Variants in XXYLT1 observed in about 807,000 individuals in gnomAD.
XXYLT1 encodes UDP-xylose:alpha-xyloside alpha-1,3-xylosyltransferase.
In XXYLT1, 20 loss-of-function variants were observed where a neutral mutation model predicts 28.9. The ratio of observed to expected loss-of-function variants is 0.69; its 90% CI spans 0.49 to 1.00. XXYLT1 has a LOEUF of 1.00. Among genes scored for constraint, XXYLT1 ranks in the 50% least tolerant of loss-of-function variants. XXYLT1 has a pLI of 0.00. For synonymous variants in XXYLT1, 257 were observed against 253.8 expected, an observed-to-expected ratio of 1.01 and a Z score of -0.12; for missense variants, 542 against 560.1, an observed-to-expected ratio of 0.97 and a Z score of 0.33.
At chr3:195,122,335 G>T (rs950839570) in intron 3 of XXYLT1, 4 of 601,684 alleles carry the variant, frequency 6.6e-6, no homozygotes, top group Non-Finnish European at 3.0e-6. Flanking sequence ...GGTTAAAAAC[G>T]CAGATGGGAA....
chr3:195,114,942 C>T (rs543920815), intron 3 of XXYLT1, among the ~76,000 whole-genome samples: 2 of 152,188 alleles, frequency 1.3e-5, no homozygotes, highest in East Asian at 3.9e-4. Flanking sequence ...TCGGCCTGGG[C>T]GCAGTCACTC....
At chr3:195,182,431 T>C (rs1721997274) in intron 2 of XXYLT1, among the ~76,000 whole-genome samples, 1 of 152,282 alleles carries the variant, frequency 6.6e-6, no homozygotes, top group Non-Finnish European at 1.5e-5. Flanking sequence ...GAAGGTAACA[T>C]CTCCATCCTA....
intron 1 of XXYLT1, among the ~76,000 whole-genome samples, chr3:195,233,248 CTA>C (rs1462068202): frequency 6.6e-6 from 1 of 151,912 alleles, no homozygotes; most frequent in Non-Finnish European, 1.5e-5. Flanking sequence ...TATTTTCAGT[CTA>C]TGTGTGTTTT....
At chr3:195,198,880 C>T (rs1247666249) in intron 2 of XXYLT1, among the ~76,000 whole-genome samples, 1 of 152,098 alleles carries the variant, frequency 6.6e-6, no homozygotes, top group Non-Finnish European at 1.5e-5. Context: ...TCAATTGCTT[C>T]GAGAAACGCA....
At chr3:195,225,799 T>C (rs1305909759) in intron 2 of XXYLT1, among the ~76,000 whole-genome samples, 2 of 152,116 alleles carry the variant, frequency 1.3e-5, no homozygotes, top group Non-Finnish European at 2.9e-5. Context: ...TGCTAGTGAG[T>C]GAGTTCTCTG....
intron 3 of XXYLT1, among the ~76,000 whole-genome samples, chr3:195,127,694 T>C (rs1487367803): frequency 6.6e-6 from 1 of 152,068 alleles, no homozygotes; most frequent in Non-Finnish European, 1.5e-5. Flanking sequence ...GGAGGATCAC[T>C]TGAGCCCAGG....
At chr3:195,226,286 C>T (rs1474609837) in intron 2 of XXYLT1, among the ~76,000 whole-genome samples, 3 of 152,212 alleles carry the variant, frequency 2.0e-5, no homozygotes, top group Non-Finnish European at 4.4e-5. Context: ...GCACCTCTCA[C>T]ATCTAGATTT....
At chr3:195,179,427 A>C (rs1399262959) in intron 2 of XXYLT1, among the ~76,000 whole-genome samples, 2 of 152,058 alleles carry the variant, frequency 1.3e-5, no homozygotes, top group Non-Finnish European at 2.9e-5. Context: ...GACCCAATTC[A>C]ACAACTCCCT....
At chr3:195,089,340 C>T (rs1187516638) in intron 3 of XXYLT1, among the ~76,000 whole-genome samples, 1 of 152,088 alleles carries the variant, frequency 6.6e-6, no homozygotes, top group Non-Finnish European at 1.5e-5. Flanking sequence ...GGCAGAAACC[C>T]TACAAGCCAG....
intron 2 of XXYLT1, among the ~76,000 whole-genome samples, chr3:195,174,530 G>A (rs1721563062): frequency 6.6e-6 from 1 of 151,942 alleles, no homozygotes; most frequent in African/African-American, 2.4e-5. Context: ...AAAAGACAGA[G>A]TCTCATTATG....
intron 1 of XXYLT1, chr3:195,247,727 C>T: frequency 1.4e-6 from 1 of 693,520 alleles, no homozygotes. Flanking sequence ...AAAGAAGGAC[C>T]CAAGACTTGG....
Position 195,109,611 on chromosome 3 carries a change from TGTATGAG to T in XXYLT1, c.786-39507_786-39501del, listed in dbSNP as rs1341808274. ...GAGTGCACGTGTGTGTGGTGTGTGT[TGTATGAG>T]TGTGTGTGGTGTCTGTGTGGTGTGT... On this transcript the variant is annotated intron_variant, in intron 3 of 3. Coordinates refer to ENST00000310380, the MANE Select transcript of XXYLT1 (RefSeq NM_152531.5). Among the ~76,000 whole-genome samples, 12 of 57,246 alleles carry T rather than the reference TGTATGAG, an allele frequency of 2.1e-4. No individual in the cohort carries two copies. The East Asian group carries it at 2.8e-3, about 13-fold the overall frequency. 37.6% of individuals were successfully genotyped at this position (57,246 alleles called of 152,430 possible). A position where few individuals can be genotyped will look rare whatever the true frequency, so the allele number is the denominator to read the frequency against.
rs182756063 is a variant in XXYLT1, at chr3:195,167,180, T to C, written c.653-10599A>G. 5.3e-5 allele frequency among the ~76,000 whole-genome samples: 8 copies of C among 152,364 alleles called. No individual in the cohort carries two copies. The East Asian group carries it at 1.5e-3, about 29-fold the overall frequency. ...TCACAGTCAAGCTACTATTTTTCTC[T>C]TTGTAACAACAACATTTTGTGGGGC... is the stretch of plus-strand genomic sequence containing the variant. On this transcript the variant is annotated intron_variant, in intron 2 of 3. Transcript: ENST00000310380.
intron 2 of XXYLT1, among the ~76,000 whole-genome samples, chr3:195,177,505 A>G (rs1322377048): frequency 1.3e-5 from 2 of 152,240 alleles, no homozygotes; most frequent in Non-Finnish European, 2.9e-5. Flanking sequence ...TCTCTGACAC[A>G]ACCTGGTGGG....
At chr3:195,131,223 C>T (rs1365087856) in intron 3 of XXYLT1, among the ~76,000 whole-genome samples, 1 of 152,234 alleles carries the variant, frequency 6.6e-6, no homozygotes, top group Non-Finnish European at 1.5e-5. Context: ...ACACCCTAGA[C>T]TCAGAAGCCG....
intron 2 of XXYLT1, among the ~76,000 whole-genome samples, chr3:195,161,188 A>G (rs1720853008): frequency 1.3e-5 from 2 of 152,182 alleles, no homozygotes; most frequent in South Asian, 4.1e-4. Context: ...GGTGGTTAGT[A>G]TCTTCCAGTT....
chr3:195,132,715 C>T (rs1392810464), intron 3 of XXYLT1, among the ~76,000 whole-genome samples: 3 of 152,188 alleles, frequency 2.0e-5, no homozygotes, highest in Non-Finnish European at 2.9e-5. Flanking sequence ...GTTTTATTCT[C>T]GGCTTACTTG....
In XXYLT1 at chr3:195,226,711, T is replaced by C; in HGVS notation, c.650A>G (p.Lys217Arg). 3 of 1,610,748 alleles carry C rather than the reference T, an allele frequency of 1.9e-6. No individual in the cohort carries two copies. Among genetic ancestry groups the C allele is most frequent in the Non-Finnish European group, 2.5e-6 (3 of 1,179,118 alleles). Residue 217 changes from lysine (K) to arginine (R), a missense_variant and splice_region_variant, in exon 2 of 4, where the codon AAA becomes AGA. Transcript: ENST00000310380. ...LSVAMHQIMP[K>R]EILQIIQLDL... ...TTGCTCCTGGAAGCCCAGGTTACCT[T>C]TGGGCATGATCTGATGCATGGCGAC...
intron 3 of XXYLT1, among the ~76,000 whole-genome samples, chr3:195,123,554 C>A (rs144645152): frequency 2.0e-5 from 3 of 152,288 alleles, no homozygotes; most frequent in African/African-American, 7.2e-5. Context: ...GCAAGGCCTG[C>A]GTCTGAAGGA....
Sources: gnomAD v4.1 joint callset for allele counts (sites outside exome capture counted in the v4.1 genomes callset) on GRCh38, gnomAD v4.1.1 for gene constraint, MANE v1.5 for transcripts, NCBI Gene and HGNC (gene_info 2026-07-23, HGNC 2026-07-21) for gene names.